Variants in PALM2AKAP2 observed in about 807,000 individuals in gnomAD.
PALM2AKAP2 encodes the protein PALM2 and AKAP2 fusion, also known as PALM2-AKAP2 fusion protein.
PALM2AKAP2 carries 37 observed loss-of-function variants against 71.5 expected under a neutral mutation model. The ratio of observed to expected loss-of-function variants is 0.52; its 90% CI spans 0.40 to 0.68. The LOEUF (loss-of-function observed/expected upper bound fraction) is 0.68. PALM2AKAP2 is among the 30% of genes least tolerant of loss of function. The pLI, the probability that PALM2AKAP2 is intolerant of heterozygous loss-of-function variation, is 0.00. For synonymous variants in PALM2AKAP2, 468 were observed against 478.8 expected (o/e 0.98, Z 0.29); for missense variants, 1,224 against 1,191.8 (o/e 1.03, Z -0.40).
At chr9:109,961,755 G>A (rs907108300) in intron 6 of PALM2AKAP2, among the ~76,000 whole-genome samples, 2 of 152,188 alleles carry the variant, frequency 1.3e-5, no homozygotes, top group South Asian at 2.1e-4. Context: ...ACTCCTGTAC[G>A]CAAACTGTTC....
chr9:110,067,228 A>T (rs1834100034), intron 1 of PALM2AKAP2, among the ~76,000 whole-genome samples: 1 of 152,130 alleles, frequency 6.6e-6, no homozygotes, highest in Non-Finnish European at 1.5e-5. Context: ...TCAATTAAGG[A>T]CTTCATATTT....
intron 1 of PALM2AKAP2, among the ~76,000 whole-genome samples, chr9:110,125,796 A>C (rs1271235285): frequency 6.7e-6 from 1 of 149,704 alleles, no homozygotes; most frequent in Admixed American, 6.6e-5. Context: ...TTTTTTTGCA[A>C]ATCTTGTAAA....
At chr9:109,902,651 T>C (rs1830356202) in intron 3 of PALM2AKAP2, among the ~76,000 whole-genome samples, 1 of 152,258 alleles carries the variant, frequency 6.6e-6, no homozygotes, top group South Asian at 2.1e-4. Flanking sequence ...ATGAATGTAT[T>C]CAGTGCCTTG....
chr9:110,143,890 A>G (rs895190997), intron 2 of PALM2AKAP2, among the ~76,000 whole-genome samples: 4 of 152,206 alleles, frequency 2.6e-5, no homozygotes, highest in African/African-American at 9.6e-5. Context: ...TGTGATAGTT[A>G]TAAATGTTAC....
intron 1 of PALM2AKAP2, among the ~76,000 whole-genome samples, chr9:110,122,486 G>A (rs1025579456): frequency 6.6e-6 from 1 of 152,166 alleles, no homozygotes; most frequent in South Asian, 2.1e-4. Context: ...ATGACCCTAG[G>A]GGGTAGGTGG....
At chr9:110,038,896 G>A (rs1241955647) in intron 7 of PALM2AKAP2, among the ~76,000 whole-genome samples, 2 of 63,802 alleles carry the variant, frequency 3.1e-5, no homozygotes, top group Admixed American at 1.8e-4. Context: ...AGCCGCGATT[G>A]TGCCACTCCA....
At chr9:109,653,283 C>T (rs570120266) in intron 1 of PALM2AKAP2, among the ~76,000 whole-genome samples, 1 of 152,230 alleles carries the variant, frequency 6.6e-6, no homozygotes, top group South Asian at 2.1e-4. Context: ...AAAACCAAAA[C>T]AGAACAAACA....
At chr9:109,802,130 G>T (rs1827448775) in intron 1 of PALM2AKAP2, among the ~76,000 whole-genome samples, 1 of 152,184 alleles carries the variant, frequency 6.6e-6, no homozygotes, top group Admixed American at 6.5e-5. Flanking sequence ...CCCTGAGCGT[G>T]TTTCTCTAAA....
intron 1 of PALM2AKAP2, among the ~76,000 whole-genome samples, chr9:109,865,120 A>G (rs1157727330): frequency 4.1e-4 from 1 of 2,424 alleles, no homozygotes; most frequent in Admixed American, 4.9e-3. Context: ...TTTTTTTGAG[A>G]CAGAGTCTCA....
At chr9:109,872,062 A>G (rs1436341515) in intron 2 of PALM2AKAP2, among the ~76,000 whole-genome samples, 1 of 152,104 alleles carries the variant, frequency 6.6e-6, no homozygotes, top group African/African-American at 2.4e-5. Flanking sequence ...TCTGACTTAC[A>G]TTTGAGTCTA....
intron 6 of PALM2AKAP2, among the ~76,000 whole-genome samples, chr9:110,006,324 CTCTTTCTTTCTTTCTTTCTTTCTTTCTT>C (rs201648047): frequency 2.0e-5 from 2 of 102,102 alleles, no homozygotes; most frequent in Non-Finnish European, 1.9e-5. Flanking sequence ...TTCCTTCCTT[CTCTTTCTTTCTTTCTTTCTTTCTTTCTT>C]TCTTTCTTTC....
intron 3 of PALM2AKAP2, among the ~76,000 whole-genome samples, chr9:110,163,678 GTT>G (rs1443344094): frequency 2.6e-5 from 4 of 152,108 alleles, no homozygotes; most frequent in Non-Finnish European, 4.4e-5. Context: ...TGTCTGCATT[GTT>G]TTGAGATGTG....
At chr9:110,038,400 C>T (rs1183207597) in intron 7 of PALM2AKAP2, among the ~76,000 whole-genome samples, 1 of 151,776 alleles carries the variant, frequency 6.6e-6, no homozygotes, top group African/African-American at 2.4e-5. Flanking sequence ...AATCAAGAAA[C>T]AGTTGTGAAA....
intron 5 of PALM2AKAP2, among the ~76,000 whole-genome samples, chr9:109,928,039 A>G (rs1322557977): frequency 6.6e-6 from 1 of 152,204 alleles, no homozygotes; most frequent in Non-Finnish European, 1.5e-5. Context: ...TCCCACATCA[A>G]AACCTTCATA....
rs151316374 is a variant in PALM2AKAP2 at position 109,668,573 on chromosome 9, C to A, written c.5+27707C>A. ...ATTGTGTGTCTGGGCAAAGGCAAAG[C>A]AGAGTGCAGGATACATAAAAGGAAA... On this transcript the variant is annotated intron_variant, in intron 1 of 6. Transcript: ENST00000374531. 1.7e-3 allele frequency among the ~76,000 whole-genome samples: 261 copies of A among 152,286 alleles called. 3 individuals carry two copies. The South Asian group carries it at 0.032, about 19-fold the overall frequency.
intron 1 of PALM2AKAP2, among the ~76,000 whole-genome samples, chr9:110,130,801 G>A (rs369662528): frequency 3.0e-4 from 46 of 152,196 alleles, no homozygotes; most frequent in African/African-American, 1.1e-3. Flanking sequence ...TAAACCAAAG[G>A]GTTCGCTCTA....
At chr9:109,841,617 T>G (rs908513142) in intron 1 of PALM2AKAP2, among the ~76,000 whole-genome samples, 1 of 448 alleles carries the variant, frequency 2.2e-3, no homozygotes, top group Non-Finnish European at 4.8e-3. Flanking sequence ...GAGGGTAGGG[T>G]GGGGGGGTGG....
intron 1 of PALM2AKAP2, among the ~76,000 whole-genome samples, chr9:109,641,457 C>T (rs1391240373): frequency 1.3e-5 from 2 of 152,226 alleles, no homozygotes; most frequent in African/African-American, 4.8e-5. Context: ...AGTGGAATTA[C>T]AACGTTTGGC....
chr9:109,775,634 G>A (rs559818743), upstream of PALM2AKAP2, among the ~76,000 whole-genome samples: 24 of 152,304 alleles, frequency 1.6e-4, no homozygotes, highest in East Asian at 1.9e-3. Context: ...AACATTTGAG[G>A]GGATCCTGGC....
Sources: gnomAD v4.1 joint callset for allele counts (sites outside exome capture counted in the v4.1 genomes callset) on GRCh38, gnomAD v4.1.1 for gene constraint, MANE v1.5 for transcripts, NCBI Gene and HGNC (gene_info 2026-07-23, HGNC 2026-07-21) for gene names.